GGT7: variants seen among roughly 807,000 people sequenced by gnomAD.
GGT7 encodes glutathione hydrolase 7.
A neutral mutation model predicts 69.2 loss-of-function variants in GGT7; 30 were observed. The ratio of observed to expected loss-of-function variants is 0.43; its 90% confidence interval spans 0.32 to 0.59. The LOEUF (loss-of-function observed/expected upper bound fraction) is 0.59, where lower values mean the gene tolerates loss of function less well. GGT7 is among the 20% of genes least tolerant of loss of function. GGT7 has a pLI of 0.05. For synonymous variants in GGT7, 388 were observed against 391.8 expected (o/e 0.99, Z 0.12); for missense variants, 733 against 901.1 (o/e 0.81, Z 2.39).
In GGT7 at chr20:34,852,018, G is replaced by A; in HGVS notation, c.1587+137C>T. 9 of 680,632 alleles carry A rather than the reference G, an allele frequency of 1.3e-5. No individual in the cohort carries two copies. The South Asian group carries it at 1.5e-4, about 12-fold the overall frequency. 42.2% of individuals were successfully genotyped at this position (680,632 alleles called of 1,614,324 possible). A position where few individuals can be genotyped will look rare whatever the true frequency, so the allele number is the denominator to read the frequency against. On this transcript the variant is annotated intron_variant, in intron 12 of 14. Coordinates refer to ENST00000336431, the MANE Select transcript of GGT7 (RefSeq NM_178026.3). ...ATGTCCCAGACTTAGCAGGGCTAGGGATGAGGTGAACCTCTTCTTTAGGCT... is the reference window on the plus strand; with the variant it reads ...ATGTCCCAGACTTAGCAGGGCTAGGAATGAGGTGAACCTCTTCTTTAGGCT...
Position 34,845,304 on chromosome 20 carries a change from G to A in GGT7, c.*24C>T, listed in dbSNP as rs376226679. The A allele has an allele frequency of 6.3e-7, 1 of 1,599,694 alleles. No homozygotes were observed. Among genetic ancestry groups the A allele is most frequent in the African/African-American group, 1.3e-5 (1 of 74,750 alleles). ...TGGGAACATGCAAAGTGGGGGAGCAGAGACCCCGCCCCACCCCGCTGCTCT... is the reference window on the plus strand; with the variant it reads ...TGGGAACATGCAAAGTGGGGGAGCAAAGACCCCGCCCCACCCCGCTGCTCT... On this transcript the variant is annotated 3_prime_UTR_variant, in exon 15 of 15. Transcript: ENST00000336431.
In GGT7 at chr20:34,860,024, G is replaced by T; in HGVS notation, c.762C>A (p.Val254=). Residue 254 remains valine (V), a synonymous_variant, in exon 6 of 15, where the codon GTC becomes GTA. Coordinates refer to ENST00000336431, the MANE Select transcript of GGT7 (RefSeq NM_178026.3). Reference sequence around the variant, plus strand: ...GGGCCACAGCTGCTGCAAAGGCCAGGACTTGGGACCATGGCAGCCTGGGGG... The same window carrying T: ...GGGCCACAGCTGCTGCAAAGGCCAGTACTTGGGACCATGGCAGCCTGGGGG... ...QLYGRLPWSQ[V]LAFAAAVAQD... 1 of 1,561,842 alleles carries T rather than the reference G, an allele frequency of 6.4e-7. No individual in the cohort carries two copies. The highest frequency in any genetic ancestry group is 1.4e-5 in the African/African-American group (1 of 73,308).
intron 6 of GGT7, 41 bp downstream of exon 6, chr20:34,859,928 A>G: frequency 1.5e-6 from 2 of 1,346,944 alleles, no homozygotes; most frequent in East Asian, 2.5e-5. Context: ...ACCCTTCTCC[A>G]TCAACCTCAT....
chr20:34,861,671 A>G, intron 3 of GGT7, 109 bp from the exon 4 acceptor site: 1 of 633,266 alleles, frequency 1.6e-6, no homozygotes, highest in South Asian at 4.9e-5. Context: ...TCAGTTTTTC[A>G]TTTGGGGTCA....
At chr20:34,871,350 A>G (rs932068261) in intron 1 of GGT7, among the ~76,000 whole-genome samples, 1 of 152,146 alleles carries the variant, frequency 6.6e-6, no homozygotes, top group Non-Finnish European at 1.5e-5. Context: ...TCAGGGCTGT[A>G]TTAGGACCAG....
Position 34,856,366 on chromosome 20 carries a change from C to T in GGT7, c.1102+440G>A, listed in dbSNP as rs147611090. On this transcript the variant is annotated intron_variant, in intron 8 of 14. Transcript: ENST00000336431. ...TTGGCCAGTTGTTATATTCCCTCCT[C>T]GGGCCTCAATTTCTTTTTGGCACTA... is the stretch of plus-strand genomic sequence containing the variant. 1.5e-3 allele frequency among the ~76,000 whole-genome samples: 226 copies of T among 152,302 alleles called. 1 individual carries two copies. Among genetic ancestry groups the T allele is most frequent in the African/African-American group, 5.0e-3 (207 of 41,564 alleles).
chr20:34,856,888 C>A lies in GGT7; in HGVS notation c.1020G>T (p.Gln340His), dbSNP rs2079502625. 1.2e-6 allele frequency: 2 copies of A among 1,603,968 alleles called. No homozygotes were observed. The highest frequency in any genetic ancestry group is 4.5e-5 in the East Asian group (2 of 44,778). ...NLTLEMVAEA[Q>H]HAGGVITEED... ...CTTCGGTTATGACACCCCCTGCGTG[C>A]TGAGCCTGGAGGGAAGAGAATGAGG... Residue 340 changes from glutamine to histidine, a missense_variant, in exon 8 of 15, where the codon CAG becomes CAT. Gln to His is a conservative substitution (Grantham distance 24). Coordinates refer to ENST00000336431, the MANE Select transcript of GGT7 (RefSeq NM_178026.3).
Position 34,872,832 on chromosome 20 carries a change from CA to C in GGT7, c.-18del. ...CGCCGCCATCCTCGCCCGCGCCCCC[CA>C]GCAGCGCAGCGCCTGCCGGAAGTGG... On this transcript the variant is annotated 5_prime_UTR_variant, in exon 1 of 15. Coordinates refer to ENST00000336431, the MANE Select transcript of GGT7 (RefSeq NM_178026.3). 3.8e-6 allele frequency: 5 copies of C among 1,332,200 alleles called. No individual in the cohort carries two copies. Among genetic ancestry groups the C allele is most frequent in the Non-Finnish European group, 4.8e-6 (5 of 1,034,512 alleles). The allele number at this position is 1,332,200 out of a possible 1,614,324, so 82.5% of individuals were successfully genotyped here.
At chr20:34,860,949 T>G (rs1242277858) in intron 4 of GGT7, among the ~76,000 whole-genome samples, 1 of 152,206 alleles carries the variant, frequency 6.6e-6, no homozygotes, top group Non-Finnish European at 1.5e-5. Flanking sequence ...TCATTTAACC[T>G]ATTCAGTTTC....
intron 9 of GGT7, 47 bp downstream of exon 9, chr20:34,854,749 C>T: frequency 5.6e-6 from 9 of 1,612,214 alleles, no homozygotes; most frequent in Non-Finnish European, 7.6e-6. Flanking sequence ...AATCTCCCCA[C>T]TCCTAATATC....
chr20:34,853,026 T>C (rs886886078), intron 10 of GGT7, among the ~76,000 whole-genome samples: 6 of 152,132 alleles, frequency 3.9e-5, no homozygotes, highest in Admixed American at 1.3e-4. Flanking sequence ...CTCAGCTCAC[T>C]GCAACCTCTG....
intron 1 of GGT7, chr20:34,872,092 A>G (rs1028669296): frequency 7.2e-5 from 11 of 152,304 alleles, no homozygotes; most frequent in Admixed American, 4.6e-4. Context: ...CTAGTCCCCA[A>G]GGACTTTTGA....
At chr20:34,856,940 G>T in intron 7 of GGT7, 47 bp from the exon 8 acceptor site, 1 of 1,223,964 alleles carries the variant, frequency 8.2e-7, no homozygotes, top group Non-Finnish European at 1.2e-6. Context: ...CTGTGACATG[G>T]TGGTTTTGGC....
At chr20:34,860,459 C>G in intron 4 of GGT7, 138 bp from the exon 5 acceptor site, 1 of 675,386 alleles carries the variant, frequency 1.5e-6, no homozygotes, top group East Asian at 2.7e-5. Flanking sequence ...AGGGGAGGGA[C>G]AAGCTTTCCC....
intron 1 of GGT7, among the ~76,000 whole-genome samples, chr20:34,864,920 T>C (rs1482895364): frequency 6.6e-6 from 1 of 151,472 alleles, no homozygotes; most frequent in East Asian, 2.0e-4. Flanking sequence ...CTTCCTGGGT[T>C]CAAGCGACTC....
chr20:34,861,759 G>A (rs2079600117), intron 3 of GGT7, among the ~76,000 whole-genome samples, 197 bp from the exon 4 acceptor site: 1 of 152,110 alleles, frequency 6.6e-6, no homozygotes, highest in South Asian at 2.1e-4. Context: ...CAAGAGGGTT[G>A]GAGACCCAGG....
At chr20:34,858,977 C>A (rs2079537973) in intron 7 of GGT7, among the ~76,000 whole-genome samples, 1 of 152,172 alleles carries the variant, frequency 6.6e-6, no homozygotes, top group Non-Finnish European at 1.5e-5. Context: ...TCGAGACCAG[C>A]CTGGCCAACA....
intron 1 of GGT7, among the ~76,000 whole-genome samples, chr20:34,870,453 CAATA>C (rs1394465139): frequency 6.6e-6 from 1 of 152,112 alleles, no homozygotes; most frequent in African/African-American, 2.4e-5. Flanking sequence ...ATTGAGTGCC[CAATA>C]AATAAATAGA....
chr20:34,850,827 C>T (rs774632573), intron 13 of GGT7: 2 of 536,310 alleles, frequency 3.7e-6, no homozygotes, highest in Non-Finnish European at 7.4e-6. Flanking sequence ...GTTCTCAAGA[C>T]ATTCATGGAG....
Sources: gnomAD v4.1 joint callset for allele counts (sites outside exome capture counted in the v4.1 genomes callset) on GRCh38, gnomAD v4.1.1 for gene constraint, MANE v1.5 for transcripts, NCBI Gene and HGNC (gene_info 2026-07-23, HGNC 2026-07-21) for gene names.